The following BTBD10 variants were observed in gnomAD, a reference collection of about 807,000 sequenced individuals.
BTBD10 encodes BTB domain containing 10.
In BTBD10, 21 loss-of-function variants were observed where a neutral mutation model predicts 53.2. The observed-to-expected ratio is 0.39, with a 90% CI of 0.28 to 0.57. The LOEUF (loss-of-function observed/expected upper bound fraction) is 0.57. BTBD10 is among the 20% of genes least tolerant of loss of function. The probability of loss-of-function intolerance (pLI) is 0.53; values close to 1 mark genes in which losing one functional copy is unlikely to be tolerated. For missense variants in BTBD10, 360 were observed against 594.7 expected (o/e 0.61, Z 4.10); for synonymous variants, 149 against 192.7 (o/e 0.77, Z 1.88).
intron 2 of BTBD10, among the ~76,000 whole-genome samples, chr11:13,437,773 C>T (rs1950570410): frequency 6.6e-6 from 1 of 152,134 alleles, no homozygotes; most frequent in East Asian, 1.9e-4. Context: ...GAGTCCTTTC[C>T]ATTTTTAATT....
At chr11:13,416,387 C>T (rs1321952179) in intron 5 of BTBD10, among the ~76,000 whole-genome samples, 1 of 151,824 alleles carries the variant, frequency 6.6e-6, no homozygotes, top group Non-Finnish European at 1.5e-5. Context: ...AAAAAAAACC[C>T]AATAAAAAAC....
chr11:13,437,381 C>T (rs887741187), intron 2 of BTBD10, among the ~76,000 whole-genome samples: 6 of 152,266 alleles, frequency 3.9e-5, no homozygotes, highest in Admixed American at 2.6e-4. Context: ...TTAGGCCTTA[C>T]ATATATACTC....
At chr11:13,412,067 G>C (rs1176301474) in intron 6 of BTBD10, among the ~76,000 whole-genome samples, 1 of 152,148 alleles carries the variant, frequency 6.6e-6, no homozygotes. Context: ...CCGACCTCAG[G>C]TGATCCGACC....
chr11:13,404,884 T>G (rs1949784164), intron 7 of BTBD10, among the ~76,000 whole-genome samples: 1 of 152,126 alleles, frequency 6.6e-6, no homozygotes, highest in Non-Finnish European at 1.5e-5. Flanking sequence ...AATGGAAAAA[T>G]CAGAGATAAG....
At chr11:13,425,060 C>T (rs1420455065) in intron 2 of BTBD10, among the ~76,000 whole-genome samples, 1 of 152,024 alleles carries the variant, frequency 6.6e-6, no homozygotes, top group African/African-American at 2.4e-5. Context: ...GAGTACTGAG[C>T]TGGATACCAG....
At chr11:13,456,336 G>C (rs2134060436) in intron 1 of BTBD10, among the ~76,000 whole-genome samples, 1 of 152,104 alleles carries the variant, frequency 6.6e-6, no homozygotes, top group South Asian at 2.1e-4. Context: ...ATCGAGAAAA[G>C]ACAGACACTA....
intron 8 of BTBD10, among the ~76,000 whole-genome samples, chr11:13,400,003 C>G (rs1449904970): frequency 6.6e-6 from 1 of 152,248 alleles, no homozygotes; most frequent in Non-Finnish European, 1.5e-5. Context: ...CAGGGACCCA[C>G]TTCAGGAGGC....
chr11:13,434,390 G>C (rs542531190), intron 2 of BTBD10, among the ~76,000 whole-genome samples: 30 of 152,252 alleles, frequency 2.0e-4, no homozygotes, highest in African/African-American at 7.0e-4. Context: ...ACCTAAAAAC[G>C]TAAGAAATAG....
chr11:13,453,835 C>T (rs923136557), intron 1 of BTBD10, among the ~76,000 whole-genome samples: 1 of 152,036 alleles, frequency 6.6e-6, no homozygotes, highest in African/African-American at 2.4e-5. Context: ...AGGTGGATCA[C>T]GAGGTCAGAA....
At chr11:13,421,290 CATG>C (rs1950237549) in intron 3 of BTBD10, among the ~76,000 whole-genome samples, 1 of 152,126 alleles carries the variant, frequency 6.6e-6, no homozygotes, top group South Asian at 2.1e-4. Flanking sequence ...CCTTTGTTAG[CATG>C]ATAATAACTA....
At chr11:13,416,820 T>C (rs967399938) in intron 5 of BTBD10, among the ~76,000 whole-genome samples, 8 of 151,702 alleles carry the variant, frequency 5.3e-5, no homozygotes, top group South Asian at 2.1e-4. Flanking sequence ...CTATAAAAAA[T>C]GAAAACAAAA....
chr11:13,418,661 T>C (rs920709355), intron 4 of BTBD10, among the ~76,000 whole-genome samples: 2 of 152,140 alleles, frequency 1.3e-5, no homozygotes, highest in Non-Finnish European at 2.9e-5. Context: ...TTATTCTGTA[T>C]TGAGACAATG....
chr11:13,397,882 T>G (rs931539757), intron 8 of BTBD10, among the ~76,000 whole-genome samples: 13 of 152,226 alleles, frequency 8.5e-5, no homozygotes, highest in African/African-American at 3.1e-4. Flanking sequence ...TGAGTTCTAG[T>G]TGGATTGCAC....
intron 1 of BTBD10, chr11:13,459,656 T>G (rs917969154): frequency 6.6e-6 from 1 of 152,196 alleles, no homozygotes; most frequent in Non-Finnish European, 1.5e-5. Flanking sequence ...CAACTGCAAA[T>G]TAAACTTACC....
chr11:13,462,324 A>C (rs181105973), intron 1 of BTBD10, among the ~76,000 whole-genome samples: 4 of 152,232 alleles, frequency 2.6e-5, no homozygotes, highest in Non-Finnish European at 5.9e-5. Context: ...CAAGATAATA[A>C]ATCTTCGTAA....
chr11:13,398,934 C>G (rs562776639), intron 8 of BTBD10, among the ~76,000 whole-genome samples: 1 of 152,342 alleles, frequency 6.6e-6, no homozygotes, highest in African/African-American at 2.4e-5. Flanking sequence ...ATGGGCTTCC[C>G]TTTGTGGGTT....
chr11:13,412,050 C>T (rs534011141), intron 6 of BTBD10, among the ~76,000 whole-genome samples: 3 of 152,136 alleles, frequency 2.0e-5, no homozygotes, highest in South Asian at 2.1e-4. Context: ...AGGCTGGTCT[C>T]GAACTCCCGA....
At chr11:13,414,546 C>T (rs967124299) in intron 5 of BTBD10, among the ~76,000 whole-genome samples, 3 of 151,664 alleles carry the variant, frequency 2.0e-5, no homozygotes, top group Admixed American at 2.0e-4. Flanking sequence ...CCCAGCTACT[C>T]GGGAGGCTGA....
At chr11:13,456,790 C>G (rs1043901168) in intron 1 of BTBD10, among the ~76,000 whole-genome samples, 3 of 152,126 alleles carry the variant, frequency 2.0e-5, no homozygotes, top group Non-Finnish European at 4.4e-5. Context: ...AAATTAACAC[C>G]TCCAATTTTG....
Sources: allele counts gnomAD v4.1 joint callset (sites outside exome capture counted in the v4.1 genomes callset), GRCh38; gene constraint gnomAD v4.1.1; transcripts MANE v1.5; gene names NCBI Gene and HGNC (gene_info 2026-07-23, HGNC 2026-07-21).